PTPRT: variants seen among roughly 807,000 people sequenced by gnomAD.
The protein encoded by PTPRT is protein tyrosine phosphatase receptor type T, also known as receptor-type tyrosine-protein phosphatase T.
Under a neutral mutation model 176.8 loss-of-function variants are expected in PTPRT, and 56 were observed. The observed-to-expected ratio is 0.32, with a 90% CI of 0.26 to 0.40. The LOEUF is 0.40. Among genes scored for constraint, PTPRT ranks in the 10% least tolerant of loss-of-function variants. The pLI is 1.00. For missense variants in PTPRT, 1,540 were observed against 1,908.2 expected (o/e 0.81, Z 3.60); for synonymous variants, 783 against 739.0 (o/e 1.06, Z -0.96).
chr20:42,322,803 A>G (rs902261858), intron 11 of PTPRT, among the ~76,000 whole-genome samples: 1 of 152,084 alleles, frequency 6.6e-6, no homozygotes, highest in Non-Finnish European at 1.5e-5. Flanking sequence ...AAAAGAAACT[A>G]CCATCACAGT....
chr20:42,371,674 A>C (rs1568820870), intron 9 of PTPRT, among the ~76,000 whole-genome samples: 1 of 152,182 alleles, frequency 6.6e-6, no homozygotes, highest in Non-Finnish European at 1.5e-5. Flanking sequence ...CCAGCCCCAA[A>C]TTGCCAAGCC....
rs2146082115 is a variant in PTPRT, at chr20:42,080,173, C to T, written c.*706G>A. On this transcript the variant is annotated 3_prime_UTR_variant, in exon 31 of 31. Coordinates refer to ENST00000373187, the MANE Select transcript of PTPRT (RefSeq NM_007050.6). ...CAGTTCCACCCCCTCCCACTGACCA[C>T]ACAAAAAAGCAAAGAACACCTTTAT... The T allele has an allele frequency of 4.3e-6, 1 of 232,874 alleles. No homozygotes were observed. Among genetic ancestry groups the T allele is most frequent in the East Asian group, 6.1e-5 (1 of 16,526 alleles). 14.4% of individuals were successfully genotyped at this position (232,874 alleles called of 1,614,324 possible).
chr20:42,069,691 A>T (rs1982239110), downstream of PTPRT, among the ~76,000 whole-genome samples: 1 of 152,232 alleles, frequency 6.6e-6, no homozygotes, highest in African/African-American at 2.4e-5. Context: ...TGTTTTTCAT[A>T]CATTTATATA....
At chr20:42,535,254 A>G (rs1488674908) in intron 7 of PTPRT, among the ~76,000 whole-genome samples, 1 of 152,198 alleles carries the variant, frequency 6.6e-6, no homozygotes, top group African/African-American at 2.4e-5. Flanking sequence ...GTTATCAACT[A>G]TAAGTGGAGC....
intron 7 of PTPRT, among the ~76,000 whole-genome samples, chr20:42,551,081 T>C (rs1568970721): frequency 6.6e-6 from 1 of 152,166 alleles, no homozygotes; most frequent in Non-Finnish European, 1.5e-5. Context: ...TTGTTTTTCA[T>C]AGATGAAAGG....
At chr20:42,705,228 T>C (rs2076035025) in intron 6 of PTPRT, among the ~76,000 whole-genome samples, 1 of 152,102 alleles carries the variant, frequency 6.6e-6, no homozygotes, top group Non-Finnish European at 1.5e-5. Flanking sequence ...ATAATAATTG[T>C]TACACACGTC....
At chr20:42,404,483 T>C (rs1322249529) in intron 9 of PTPRT, among the ~76,000 whole-genome samples, 1 of 152,152 alleles carries the variant, frequency 6.6e-6, no homozygotes, top group Non-Finnish European at 1.5e-5. Flanking sequence ...CATCTATTCT[T>C]ACAGCATCAA....
chr20:42,595,763 C>A (rs2073659638), intron 7 of PTPRT, among the ~76,000 whole-genome samples: 1 of 152,164 alleles, frequency 6.6e-6, no homozygotes, highest in Non-Finnish European at 1.5e-5. Flanking sequence ...CCAGGAATTT[C>A]AGTGCGACAT....
intron 14 of PTPRT, among the ~76,000 whole-genome samples, chr20:42,242,497 T>G (rs2056374061): frequency 6.6e-6 from 1 of 152,150 alleles, no homozygotes; most frequent in African/African-American, 2.4e-5. Flanking sequence ...GGGATCTAGA[T>G]GGTGAAGAGA....
At chr20:42,883,693 A>C (rs962639703) in intron 2 of PTPRT, among the ~76,000 whole-genome samples, 1 of 1,794 alleles carries the variant, frequency 5.6e-4, no homozygotes, top group African/African-American at 1.9e-3. Flanking sequence ...ACACACACAC[A>C]CCTCCCATAC....
chr20:42,309,368 A>C (rs2057593462), intron 12 of PTPRT, among the ~76,000 whole-genome samples: 1 of 152,186 alleles, frequency 6.6e-6, no homozygotes. Flanking sequence ...CGCTGTTTAG[A>C]ACTGAGACAG....
chr20:42,034,028 G>A, the PTPRT span, among the ~76,000 whole-genome samples: 133 of 152,174 alleles, frequency 8.7e-4, no homozygotes, highest in Middle Eastern at 3.4e-3. Context: ...TTTCTGTTGC[G>A]CATACTGACT....
At chr20:43,151,362 G>C (rs1228006305) in intron 1 of PTPRT, among the ~76,000 whole-genome samples, 1 of 118,658 alleles carries the variant, frequency 8.4e-6, no homozygotes, top group Admixed American at 9.8e-5. Flanking sequence ...CATAGGAACA[G>C]AAAGCTTCTA....
At chr20:43,065,754 G>T (rs1311025540) in intron 1 of PTPRT, among the ~76,000 whole-genome samples, 2 of 152,218 alleles carry the variant, frequency 1.3e-5, no homozygotes, top group African/African-American at 2.4e-5. Context: ...ACCAGGAAAG[G>T]TCTAAGAGGG....
chr20:42,670,385 G>T (rs1294230710), intron 7 of PTPRT, among the ~76,000 whole-genome samples: 1 of 152,090 alleles, frequency 6.6e-6, no homozygotes, highest in African/African-American at 2.4e-5. Flanking sequence ...GCCAGCAAGT[G>T]CCCAGCTTGA....
intron 7 of PTPRT, among the ~76,000 whole-genome samples, chr20:42,559,271 C>T (rs961186777): frequency 1.3e-5 from 2 of 152,218 alleles, no homozygotes; most frequent in Non-Finnish European, 2.9e-5. Context: ...AATCTGCAAA[C>T]CACCCTGGAA....
chr20:42,491,953 C>T (rs989687965), intron 7 of PTPRT, among the ~76,000 whole-genome samples: 1 of 152,078 alleles, frequency 6.6e-6, no homozygotes, highest in African/African-American at 2.4e-5. Context: ...AACATTTTGA[C>T]TCAGCATAAT....
chr20:42,096,316 G>A (rs539792521), intron 27 of PTPRT, among the ~76,000 whole-genome samples: 1 of 151,978 alleles, frequency 6.6e-6, no homozygotes, highest in South Asian at 2.1e-4. Flanking sequence ...TTAAGAGATG[G>A]GGTCAGCCAG....
intron 7 of PTPRT, among the ~76,000 whole-genome samples, chr20:42,659,357 T>C (rs970596842): frequency 7.2e-5 from 11 of 152,222 alleles, no homozygotes; most frequent in African/African-American, 2.7e-4. Flanking sequence ...TGGGATATTT[T>C]GTGTGACATA....
Sources: allele counts gnomAD v4.1 joint callset (sites outside exome capture counted in the v4.1 genomes callset), GRCh38; gene constraint gnomAD v4.1.1; transcripts MANE v1.5; gene names NCBI Gene and HGNC (gene_info 2026-07-23, HGNC 2026-07-21).